The following KAZN variants were observed in gnomAD, a reference collection of about 807,000 sequenced individuals.
KAZN encodes the protein kazrin.
A neutral mutation model predicts 87.4 loss-of-function variants in KAZN; 40 were observed. The observed-to-expected ratio is 0.46, with a 90% CI of 0.36 to 0.60. The LOEUF (loss-of-function observed/expected upper bound fraction) is 0.60, where lower values mean the gene tolerates loss of function less well. Among genes scored for constraint, KAZN ranks in the 20% least tolerant of loss-of-function variants. KAZN has a pLI of 0.00. For missense variants in KAZN, 898 were observed against 1,073.9 expected, an observed-to-expected ratio of 0.84 and a Z score of 2.29; for synonymous variants, 466 against 458.3, an observed-to-expected ratio of 1.02 and a Z score of -0.22.
intron 1 of KAZN, among the ~76,000 whole-genome samples, chr1:13,938,099 G>T (rs76220708): frequency 0.016 from 2,494 of 152,222 alleles, 64 homozygotes; most frequent in African/African-American, 0.055. Context: ...AAATCGCATT[G>T]AATCTGTAGA....
intron 1 of KAZN, among the ~76,000 whole-genome samples, chr1:13,977,199 T>C (rs1638404681): frequency 1.3e-5 from 2 of 152,238 alleles, no homozygotes; most frequent in Admixed American, 1.3e-4. Context: ...TCTTTTGTTC[T>C]AGATATTATC....
intron 1 of KAZN, among the ~76,000 whole-genome samples, chr1:13,928,133 A>G (rs1052097294): frequency 5.3e-5 from 8 of 152,240 alleles, no homozygotes; most frequent in African/African-American, 1.9e-4. Context: ...TTCATTGCTC[A>G]GGTTTTGCGG....
chr1:14,735,356 G>T lies in KAZN; in HGVS notation c.226+136133G>T, dbSNP rs539042205. On this transcript the variant is annotated intron_variant, in intron 1 of 14. Coordinates refer to ENST00000376030, the MANE Select transcript of KAZN (RefSeq NM_201628.3). The surrounding 1 kb of genome is among the most constrained non-coding windows in gnomAD (Gnocchi z 4.3). The stretch of plus-strand genomic sequence containing the variant: ...ATTACAGGCGTGAGCCACCGCGCCC[G>T]GCCCGTGCTGTTGTTTTCAAAGACA... Among the ~76,000 whole-genome samples the T allele has an allele frequency of 6.6e-6, 1 of 152,190 alleles. No individual in the cohort carries two copies. The highest frequency in any genetic ancestry group is 6.5e-5 in the Admixed American group (1 of 15,282).
At chr1:14,371,896 G>A (rs904837726) in intron 2 of KAZN, among the ~76,000 whole-genome samples, 9 of 152,166 alleles carry the variant, frequency 5.9e-5, no homozygotes, top group African/African-American at 1.2e-4. Context: ...CCTGAAATGC[G>A]CACATAAATT....
intron 1 of KAZN, among the ~76,000 whole-genome samples, chr1:14,144,167 C>G (rs989417912): frequency 6.6e-6 from 1 of 152,200 alleles, no homozygotes; most frequent in Admixed American, 6.5e-5. Flanking sequence ...TTCTCCTCAA[C>G]TCGGATAAGC....
intron 2 of KAZN, among the ~76,000 whole-genome samples, chr1:14,469,738 G>A (rs1341789962): frequency 1.3e-5 from 2 of 152,138 alleles, no homozygotes; most frequent in Admixed American, 6.5e-5. Flanking sequence ...TGGAAAAGAG[G>A]CCACGATGTC....
At chr1:14,416,556 G>A (rs1664777737) in intron 2 of KAZN, among the ~76,000 whole-genome samples, 1 of 152,020 alleles carries the variant, frequency 6.6e-6, no homozygotes, top group Non-Finnish European at 1.5e-5. Context: ...GGTCAACATG[G>A]TGAAAGCCCA....
chr1:13,996,024 G>T (rs12754561), intron 1 of KAZN, among the ~76,000 whole-genome samples: 1 of 151,922 alleles, frequency 6.6e-6, no homozygotes, highest in Non-Finnish European at 1.5e-5. Flanking sequence ...AAGGTATCCA[G>T]GTTCCGTCAT....
chr1:14,525,726 A>T (rs1285019716), intron 2 of KAZN, among the ~76,000 whole-genome samples: 3 of 152,274 alleles, frequency 2.0e-5, no homozygotes, highest in African/African-American at 7.2e-5. Context: ...AGATCAATCC[A>T]CAAAAGTCAA....
At chr1:14,774,468 ATTTTT>A (rs35723980) in intron 1 of KAZN, among the ~76,000 whole-genome samples, 7 of 131,250 alleles carry the variant, frequency 5.3e-5, no homozygotes, top group East Asian at 2.2e-4. Context: ...TCTTGAACAG[ATTTTT>A]TTTTTTTTTT....
intron 8 of KAZN, among the ~76,000 whole-genome samples, chr1:15,087,956 G>GA (rs760443646): frequency 7.9e-5 from 12 of 152,248 alleles, no homozygotes; most frequent in Non-Finnish European, 1.6e-4. Flanking sequence ...CCGAGGTTGA[G>GA]AAAATGTAAA....
intron 1 of KAZN, among the ~76,000 whole-genome samples, chr1:14,038,165 A>C (rs747508848): frequency 1.3e-5 from 2 of 152,180 alleles, no homozygotes; most frequent in Non-Finnish European, 2.9e-5. Context: ...AGTGACAAGC[A>C]ATACTCTATG....
chr1:14,670,303 T>C (rs950521533), intron 1 of KAZN, among the ~76,000 whole-genome samples: 1 of 152,018 alleles, frequency 6.6e-6, no homozygotes, highest in Non-Finnish European at 1.5e-5. Context: ...AAGGCAGGGG[T>C]ATTCAAGCCT....
At chr1:14,331,538 C>T (rs1255634537) in intron 2 of KAZN, among the ~76,000 whole-genome samples, 1 of 152,132 alleles carries the variant, frequency 6.6e-6, no homozygotes, top group African/African-American at 2.4e-5. Context: ...TAATGTTTTA[C>T]TTGTTAATTT....
intron 2 of KAZN, among the ~76,000 whole-genome samples, chr1:14,383,295 G>T (rs1661541750): frequency 1.3e-5 from 2 of 149,218 alleles, no homozygotes; most frequent in South Asian, 2.1e-4. Context: ...AGTTTCTTTT[G>T]CTGTGCAGAA....
At chr1:14,917,636 G>A (rs967865091) in intron 1 of KAZN, among the ~76,000 whole-genome samples, 9 of 152,078 alleles carry the variant, frequency 5.9e-5, no homozygotes, top group African/African-American at 2.2e-4. Context: ...CCATTTTTAC[G>A]GATGGAGAAC....
chr1:14,980,234 T>C (rs1308619644), intron 2 of KAZN, among the ~76,000 whole-genome samples: 1 of 152,230 alleles, frequency 6.6e-6, no homozygotes, highest in Non-Finnish European at 1.5e-5. Flanking sequence ...GTAAATATTT[T>C]ACTAAGCTTA....
At chr1:15,013,213 C>T (rs750848823) in intron 2 of KAZN, among the ~76,000 whole-genome samples, 3 of 152,156 alleles carry the variant, frequency 2.0e-5, no homozygotes, top group African/African-American at 7.2e-5. Context: ...AGTGCTTCCG[C>T]AAATATTTAT....
At chr1:14,886,660 G>T (rs773566703) in intron 1 of KAZN, among the ~76,000 whole-genome samples, 1 of 151,892 alleles carries the variant, frequency 6.6e-6, no homozygotes, top group Non-Finnish European at 1.5e-5. Context: ...GAGTGGTGGC[G>T]CATGCATGTA....
Sources: gnomAD v4.1 joint callset for allele counts (sites outside exome capture counted in the v4.1 genomes callset) on GRCh38, gnomAD v4.1.1 for gene constraint, Gnocchi (gnomAD v3.1) non-coding constraint, MANE v1.5 for transcripts, NCBI Gene and HGNC (gene_info 2026-07-23, HGNC 2026-07-21) for gene names.